ZBTB16: variants seen among roughly 807,000 people sequenced by gnomAD.
The protein encoded by ZBTB16 is zinc finger and BTB domain-containing protein 16.
In ZBTB16, 8 loss-of-function variants were observed where a neutral mutation model predicts 56.8. That is an observed-to-expected ratio of 0.14 (90% CI 0.08 to 0.25). The LOEUF is 0.25. Among genes scored for constraint, ZBTB16 ranks in the 10% least tolerant of loss-of-function variants. The probability of loss-of-function intolerance (pLI) is 1.00; values close to 1 mark genes in which losing one functional copy is unlikely to be tolerated. For synonymous variants in ZBTB16, 363 were observed against 368.5 expected, an observed-to-expected ratio of 0.98 and a Z score of 0.17; for missense variants, 625 against 903.0, an observed-to-expected ratio of 0.69 and a Z score of 3.95.
At chr11:114,172,922 G>A (rs1323794037) in intron 3 of ZBTB16, among the ~76,000 whole-genome samples, 1 of 152,144 alleles carries the variant, frequency 6.6e-6, no homozygotes, top group Non-Finnish European at 1.5e-5. Flanking sequence ...ATTAAGTGTG[G>A]CAGGCAATAT....
At chr11:114,210,192 T>TGTGTGCGCGC (rs773801156) in intron 4 of ZBTB16, among the ~76,000 whole-genome samples, 52 of 143,342 alleles carry the variant, frequency 3.6e-4, no homozygotes, top group Non-Finnish European at 5.6e-4. Context: ...TGTGTGTGTG[T>TGTGTGCGCGC]GCGTGCGCGC....
At chr11:114,210,192 T>TGTGTGTGTGTGTGCGC (rs773801156) in intron 4 of ZBTB16, among the ~76,000 whole-genome samples, 24 of 143,342 alleles carry the variant, frequency 1.7e-4, no homozygotes, top group African/African-American at 5.6e-4. Context: ...TGTGTGTGTG[T>TGTGTGTGTGTGTGCGC]GCGTGCGCGC....
chr11:114,064,291 C>T lies in ZBTB16; in HGVS notation c.991C>T (p.Leu331=). The change falls in exon 2 of 7, where the codon CTG becomes TTG. Residue 331 remains leucine, a synonymous_variant. Coordinates refer to ENST00000335953, the MANE Select transcript of ZBTB16 (RefSeq NM_006006.6). The surrounding 1 kb of genome is among the most constrained non-coding windows in gnomAD (Gnocchi z 4.2). ...CCCAGCACCCCCGCCTGAGAAGCAT[C>T]TGGGCATCTACTCCGTGTTGCCCAA... The part of the protein sequence containing the change: ...EHPAPPPEKH[L]GIYSVLPNHK... The T allele has an allele frequency of 6.2e-7, 1 of 1,614,168 alleles. No homozygotes were observed. Among genetic ancestry groups the T allele is most frequent in the South Asian group, 1.1e-5 (1 of 91,088 alleles).
intron 3 of ZBTB16, among the ~76,000 whole-genome samples, chr11:114,171,447 C>G (rs1942965520): frequency 6.6e-6 from 1 of 152,188 alleles, no homozygotes; most frequent in Non-Finnish European, 1.5e-5. Context: ...GGACGGGGCC[C>G]TGGGGCCTTG....
intron 2 of ZBTB16, among the ~76,000 whole-genome samples, chr11:114,116,257 G>A (rs781608998): frequency 1.3e-5 from 2 of 152,128 alleles, no homozygotes; most frequent in Non-Finnish European, 1.5e-5. Flanking sequence ...AGTTACTGAC[G>A]GATGAAATCA....
chr11:114,062,492 G>A (rs1043101467), intron 1 of ZBTB16, among the ~76,000 whole-genome samples: 3 of 152,218 alleles, frequency 2.0e-5, no homozygotes, highest in African/African-American at 7.2e-5. Flanking sequence ...AGGCTTCCGT[G>A]GGTAGAAATG....
chr11:114,239,578 A>G (rs993003570), intron 4 of ZBTB16, among the ~76,000 whole-genome samples: 40 of 152,176 alleles, frequency 2.6e-4, no homozygotes, highest in Non-Finnish European at 5.6e-4. Flanking sequence ...GTCCAGAAAG[A>G]TACATCTCTC....
intron 2 of ZBTB16, among the ~76,000 whole-genome samples, chr11:114,078,523 A>G (rs1188585499): frequency 2.6e-5 from 4 of 152,210 alleles, no homozygotes; most frequent in Admixed American, 2.6e-4. Flanking sequence ...ACTGGCTGCT[A>G]AAGCTAGGAA....
intron 4 of ZBTB16, among the ~76,000 whole-genome samples, chr11:114,206,619 C>T (rs559639038): frequency 6.6e-6 from 1 of 152,240 alleles, no homozygotes; most frequent in African/African-American, 2.4e-5. Flanking sequence ...TGCCTGCTAG[C>T]TGTGCTGTTC....
intron 2 of ZBTB16, among the ~76,000 whole-genome samples, chr11:114,074,562 C>T (rs564774263): frequency 6.6e-6 from 1 of 152,336 alleles, no homozygotes; most frequent in South Asian, 2.1e-4. Context: ...GGCCTGATTA[C>T]TTCCAGAGTT....
intron 2 of ZBTB16, among the ~76,000 whole-genome samples, chr11:114,144,151 C>T (rs950891568): frequency 1.3e-5 from 2 of 151,424 alleles, no homozygotes; most frequent in Non-Finnish European, 2.9e-5. Flanking sequence ...CACACAATCC[C>T]CTTTCTCTGG....
At chr11:114,108,806 A>C (rs1940896418) in intron 2 of ZBTB16, among the ~76,000 whole-genome samples, 1 of 152,194 alleles carries the variant, frequency 6.6e-6, no homozygotes. Context: ...TCATGCTTTT[A>C]AGGTCGGTAG....
At position 114,250,288 on chromosome 11, in the gene ZBTB16, T is replaced by C. The variant is rs749992642; in HGVS notation, c.1793-38T>C. On this transcript the variant is annotated intron_variant, in intron 6 of 6. Transcript: ENST00000335953. The surrounding 1 kb of genome is among the most constrained non-coding windows in gnomAD (Gnocchi z 6.0). ...CATGGTGCCCTCACCGCCTTCTGTC[T>C]GTCCTCACTTTCTCCTGCCCTGTCC... 1 of 1,602,036 alleles carries C rather than the reference T, an allele frequency of 6.2e-7. No homozygotes were observed. The highest frequency in any genetic ancestry group is 8.5e-7 in the Non-Finnish European group (1 of 1,177,966).
chr11:114,114,682 CTT>C (rs761374297), intron 2 of ZBTB16, among the ~76,000 whole-genome samples: 56 of 139,986 alleles, frequency 4.0e-4, no homozygotes, highest in Non-Finnish European at 3.0e-4. Context: ...TATGTTTTTT[CTT>C]TTTTTTTTTT....
chr11:114,100,543 G>C (rs1355376777), intron 2 of ZBTB16, among the ~76,000 whole-genome samples: 1 of 152,128 alleles, frequency 6.6e-6, no homozygotes, highest in Non-Finnish European at 1.5e-5. Flanking sequence ...CCCTGGCCTG[G>C]CTGGATGACA....
chr11:114,101,465 G>A (rs924139954), intron 2 of ZBTB16, among the ~76,000 whole-genome samples: 6 of 152,084 alleles, frequency 3.9e-5, no homozygotes, highest in African/African-American at 1.4e-4. Flanking sequence ...TGATTGCTTC[G>A]TGTATTTAAC....
At chr11:114,202,839 A>G (rs1943766365) in intron 4 of ZBTB16, among the ~76,000 whole-genome samples, 1 of 152,142 alleles carries the variant, frequency 6.6e-6, no homozygotes, top group Non-Finnish European at 1.5e-5. Flanking sequence ...ACTTATTTGG[A>G]ACCCAAGTAG....
chr11:114,098,249 C>T (rs1940487912), intron 2 of ZBTB16, among the ~76,000 whole-genome samples: 1 of 152,096 alleles, frequency 6.6e-6, no homozygotes, highest in Non-Finnish European at 1.5e-5. Flanking sequence ...TCCTCTGCCC[C>T]CGTGGTGGTA....
intron 2 of ZBTB16, among the ~76,000 whole-genome samples, chr11:114,067,586 T>C (rs141686246): frequency 3.9e-4 from 59 of 152,228 alleles, no homozygotes; most frequent in Non-Finnish European, 7.2e-4. Flanking sequence ...TTTGTATTTT[T>C]AGTAGAGATG....
Sources: gnomAD v4.1 joint callset for allele counts (sites outside exome capture counted in the v4.1 genomes callset) on GRCh38, gnomAD v4.1.1 for gene constraint, Gnocchi (gnomAD v3.1) non-coding constraint, MANE v1.5 for transcripts, NCBI Gene and HGNC (gene_info 2026-07-23, HGNC 2026-07-21) for gene names.